BABAM2: variants seen among roughly 807,000 people sequenced by gnomAD.
BABAM2 encodes the protein BRISC and BRCA1-A complex member 2.
BABAM2 carries 31 observed loss-of-function variants against 54.7 expected under a neutral mutation model. The observed-to-expected ratio is 0.57, with a 90% CI of 0.43 to 0.77. The LOEUF (loss-of-function observed/expected upper bound fraction) is 0.77, where lower values mean the gene tolerates loss of function less well. Ranked by LOEUF, BABAM2 falls within the 30% of genes least tolerant of loss-of-function variation. The probability of loss-of-function intolerance (pLI) is 0.00; values close to 1 mark genes in which losing one functional copy is unlikely to be tolerated. For synonymous variants in BABAM2, 167 were observed against 162.9 expected, an observed-to-expected ratio of 1.03 and a Z score of -0.19; for missense variants, 364 against 455.8, an observed-to-expected ratio of 0.80 and a Z score of 1.83.
intron 6 of BABAM2, among the ~76,000 whole-genome samples, chr2:28,060,721 T>G (rs1678788723): frequency 6.6e-6 from 1 of 152,168 alleles, no homozygotes; most frequent in South Asian, 2.1e-4. Flanking sequence ...ATTTTAAAGA[T>G]AACATTTATA....
intron 7 of BABAM2, among the ~76,000 whole-genome samples, chr2:28,214,714 T>C (rs914614624): frequency 2.0e-5 from 3 of 152,176 alleles, no homozygotes; most frequent in African/African-American, 7.2e-5. Flanking sequence ...TTATGTTTGC[T>C]GTAAGATTTT....
At chr2:28,026,827 T>G (rs1486486752) in intron 5 of BABAM2, among the ~76,000 whole-genome samples, 3 of 54,244 alleles carry the variant, frequency 5.5e-5, no homozygotes, top group African/African-American at 2.1e-4. Flanking sequence ...TATATTTATA[T>G]ATATAAATAT....
chr2:28,177,946 T>G (rs1452894073), intron 7 of BABAM2, among the ~76,000 whole-genome samples: 1 of 151,990 alleles, frequency 6.6e-6, no homozygotes, highest in Non-Finnish European at 1.5e-5. Flanking sequence ...CAAGAGAATA[T>G]TACAGTTCTA....
intron 3 of BABAM2, among the ~76,000 whole-genome samples, chr2:27,948,352 A>T (rs536722137): frequency 6.6e-6 from 1 of 152,032 alleles, no homozygotes; most frequent in African/African-American, 2.4e-5. Flanking sequence ...ACTCCATAAG[A>T]TTTCCTACAT....
At chr2:28,106,426 T>C (rs1558340527) in intron 6 of BABAM2, among the ~76,000 whole-genome samples, 1 of 152,248 alleles carries the variant, frequency 6.6e-6, no homozygotes, top group Non-Finnish European at 1.5e-5. Flanking sequence ...TTTAGAATCA[T>C]GTGTGATTTT....
intron 11 of BABAM2, among the ~76,000 whole-genome samples, chr2:28,313,953 CA>C (rs1332000656): frequency 6.6e-6 from 1 of 152,154 alleles, no homozygotes; most frequent in Non-Finnish European, 1.5e-5. Flanking sequence ...GTTCTTCTAA[CA>C]ATCAAAATCA....
In BABAM2 at chr2:27,975,199, G is replaced by A. The variant is rs1403690633; in HGVS notation, c.206-12794G>A. On this transcript the variant is annotated intron_variant, in intron 3 of 11. Transcript: ENST00000379624. ...TCCCTAAATTAATGTACACTATTTA[G>A]TGTAATCCCCATCAAAATCCCAGCA... Among the ~76,000 whole-genome samples the A allele has an allele frequency of 2.6e-5, 4 of 152,020 alleles. No homozygotes were observed. In the South Asian group the frequency reaches 6.2e-4, roughly 24 times the overall value.
intron 7 of BABAM2, among the ~76,000 whole-genome samples, chr2:28,137,932 A>G (rs1341825884): frequency 6.6e-6 from 1 of 152,204 alleles, no homozygotes; most frequent in Non-Finnish European, 1.5e-5. Context: ...GATATACTAT[A>G]TCTTAATTTA....
chr2:28,137,331 A>G (rs150345741), intron 7 of BABAM2, among the ~76,000 whole-genome samples: 70 of 152,294 alleles, frequency 4.6e-4, no homozygotes, highest in African/African-American at 1.5e-3. Context: ...GGTCCTGAGT[A>G]TGCTAAGACA....
intron 10 of BABAM2, among the ~76,000 whole-genome samples, chr2:28,272,894 T>C (rs1267779701): frequency 6.6e-6 from 1 of 152,002 alleles, no homozygotes; most frequent in Admixed American, 6.5e-5. Flanking sequence ...TGGGACGACA[T>C]GTGGAGGGAT....
chr2:28,222,111 C>T (rs192120004), intron 7 of BABAM2, among the ~76,000 whole-genome samples: 11 of 152,304 alleles, frequency 7.2e-5, no homozygotes, highest in East Asian at 3.9e-4. Flanking sequence ...TACATATTCT[C>T]ATGCTCAGCA....
intron 3 of BABAM2, among the ~76,000 whole-genome samples, chr2:27,966,503 G>T (rs1192391146): frequency 6.6e-6 from 1 of 152,206 alleles, no homozygotes. Flanking sequence ...GCCTCTGCAT[G>T]ATGGCTCTTC....
At chr2:28,121,014 G>A (rs556793482) in intron 6 of BABAM2, among the ~76,000 whole-genome samples, 17 of 152,120 alleles carry the variant, frequency 1.1e-4, no homozygotes, top group African/African-American at 2.2e-4. Context: ...TCCCATTTCC[G>A]TTTGGAGGAA....
chr2:28,329,000 A>C (rs567890789), intron 11 of BABAM2, among the ~76,000 whole-genome samples: 46 of 152,328 alleles, frequency 3.0e-4, no homozygotes, highest in Non-Finnish European at 5.7e-4. Flanking sequence ...AAAGCATTGT[A>C]ATTCCAGTAG....
At chr2:28,210,473 A>G (rs570225470) in intron 7 of BABAM2, among the ~76,000 whole-genome samples, 103 of 152,298 alleles carry the variant, frequency 6.8e-4, no homozygotes, top group African/African-American at 2.4e-3. Context: ...GTGATGGTTG[A>G]GCTAAGTATT....
intron 10 of BABAM2, among the ~76,000 whole-genome samples, chr2:28,286,513 G>C (rs1439652363): frequency 2.0e-5 from 3 of 152,128 alleles, no homozygotes; most frequent in Non-Finnish European, 4.4e-5. Context: ...CGTCTACCCA[G>C]ATCCCCCGCA....
At chr2:27,974,450 A>G (rs1158168943) in intron 3 of BABAM2, among the ~76,000 whole-genome samples, 1 of 152,204 alleles carries the variant, frequency 6.6e-6, no homozygotes, top group Non-Finnish European at 1.5e-5. Flanking sequence ...CAAGTTCAAC[A>G]TTTGAAAATC....
At chr2:28,316,265 G>A (rs1381629647) in intron 11 of BABAM2, among the ~76,000 whole-genome samples, 2 of 152,120 alleles carry the variant, frequency 1.3e-5, no homozygotes, top group African/African-American at 2.4e-5. Context: ...CTGCCTGCTA[G>A]CCTTGTCTCT....
intron 4 of BABAM2, among the ~76,000 whole-genome samples, chr2:27,991,993 A>C (rs1421372270): frequency 6.6e-6 from 1 of 152,158 alleles, no homozygotes; most frequent in Admixed American, 6.5e-5. Context: ...TGAGTGTTTC[A>C]GTTTCTCCAC....
Sources: gnomAD v4.1 joint callset for allele counts (sites outside exome capture counted in the v4.1 genomes callset) on GRCh38, gnomAD v4.1.1 for gene constraint, MANE v1.5 for transcripts, NCBI Gene and HGNC (gene_info 2026-07-23, HGNC 2026-07-21) for gene names.